The following COL12A1 variants were observed in gnomAD, a reference collection of about 807,000 sequenced individuals.
COL12A1 encodes collagen type XII alpha 1 chain, also known as collagen alpha-1(XII) chain.
In COL12A1, 114 loss-of-function variants were observed where a neutral mutation model predicts 349.7. The ratio of observed to expected loss-of-function variants is 0.33; its 90% CI spans 0.28 to 0.38. COL12A1 has a LOEUF of 0.38. COL12A1 is among the 10% of genes least tolerant of loss of function. The pLI, the probability that COL12A1 is intolerant of heterozygous loss-of-function variation, is 1.00. For synonymous variants in COL12A1, 1,369 were observed against 1,329.0 expected (o/e 1.03, Z -0.66); for missense variants, 3,284 against 3,756.9 (o/e 0.87, Z 3.29).
rs1767417001 is a variant in COL12A1 at position 75,085,133 on chromosome 6, T to A, written c.*1414A>T. 1 of 435,976 alleles carries A rather than the reference T, an allele frequency of 2.3e-6. No homozygotes were observed. Among genetic ancestry groups the A allele is most frequent in the African/African-American group, 2.0e-5 (1 of 49,540 alleles). The allele number at this position is 435,976 out of a possible 1,614,324, so 27.0% of individuals were successfully genotyped here. A position where few individuals can be genotyped will look rare whatever the true frequency, so the allele number is the denominator to read the frequency against. ...GACGTACACTGCTCTATCTGACCTG[T>A]AAATGAGAATTTCAACACCTCCCCC... On this transcript the variant is annotated 3_prime_UTR_variant, in exon 66 of 66. Transcript: ENST00000322507.
At chr6:75,134,977 C>T in intron 31 of COL12A1, 122 bp from the exon 32 acceptor site, 2 of 1,028,932 alleles carry the variant, frequency 1.9e-6, no homozygotes, top group Middle Eastern at 2.4e-4. Flanking sequence ...GAATTACATA[C>T]CACAGTCAAG....
chr6:75,091,346 T>A lies in COL12A1; in HGVS notation c.8729A>T (p.Gln2910Leu). Reference protein sequence around the residue: ...SQNMMRAVARQVCEQLISGQM... With the variant: ...SQNMMRAVARLVCEQLISGQM... ...ACCACTTATCAATTGTTCACAGACT[T>A]GTCTTGCAACTGCTCGCATCATGTT... The change falls in exon 62 of 66, where the codon CAA (glutamine) becomes CTA (leucine). Residue 2910 changes from glutamine (Q) to leucine (L), a missense_variant. Around this residue, in one of 2 missense-constraint regions of COL12A1, gnomAD observed 683 missense variants for 932.1 expected, o/e 0.73. Transcript: ENST00000322507. 1.2e-6 allele frequency: 2 copies of A among 1,613,694 alleles called. No individual in the cohort carries two copies. The highest frequency in any genetic ancestry group is 1.7e-6 in the Non-Finnish European group (2 of 1,179,924).
In COL12A1 at chr6:75,103,797, G is replaced by A. The variant is rs1273520142; in HGVS notation, c.8279C>T (p.Ala2760Val). Residue 2760 changes from alanine to valine, a missense_variant, in exon 55 of 66, where the codon GCT becomes GTT. Physicochemically the swap from Ala to Val is moderately conservative, Grantham distance 64. Coordinates refer to ENST00000322507, the MANE Select transcript of COL12A1 (RefSeq NM_004370.6). The stretch of plus-strand genomic sequence containing the variant: ...ACCTCTTTCACCTCTGGGACCTTTA[G>A]CACCAGGTCCTCCCTAAAATACATA... ...GPPGPAGGPG[A>V]KGPRGERGIS... 14 of 1,613,200 alleles carry A rather than the reference G, an allele frequency of 8.7e-6. No individual in the cohort carries two copies. The East Asian group carries it at 3.1e-4, about 36-fold the overall frequency.
intron 17 of COL12A1, among the ~76,000 whole-genome samples, chr6:75,153,686 C>A (rs1010405506): frequency 7.9e-5 from 12 of 151,984 alleles, no homozygotes; most frequent in African/African-American, 2.9e-4. Flanking sequence ...CTGCTCTGCC[C>A]AGATCTACTC....
At position 75,113,330 on chromosome 6, in the gene COL12A1, A is replaced by G. The variant is rs1172483928; in HGVS notation, c.7841-17T>C. ...TGCTAGAAGCTGTAATCAACATAAA[A>G]GTGTTATTAAATCATATGCATTGTA... On this transcript the variant is annotated splice_polypyrimidine_tract_variant and intron_variant, in intron 50 of 65. Coordinates refer to ENST00000322507, the MANE Select transcript of COL12A1 (RefSeq NM_004370.6). 1 of 1,466,806 alleles carries G rather than the reference A, an allele frequency of 6.8e-7. No individual in the cohort carries two copies. 90.9% of individuals were successfully genotyped at this position (1,466,806 alleles called of 1,614,324 possible).
At chr6:75,182,928 A>T in intron 10 of COL12A1, 122 bp downstream of exon 10, 1 of 1,210,942 alleles carries the variant, frequency 8.3e-7, no homozygotes, top group East Asian at 2.4e-5. Flanking sequence ...AGTTTTCAAT[A>T]ACATAGGAAA....
rs183041877 is a variant in COL12A1, at chr6:75,132,231, A to G, written c.5795-149T>C. 8.9e-4 allele frequency: 894 copies of G among 1,006,706 alleles called. 4 individuals are homozygous for G. The African/African-American group carries it at 0.013, about 15-fold the overall frequency. 62.4% of individuals were successfully genotyped at this position (1,006,706 alleles called of 1,614,324 possible). A position where few individuals can be genotyped will look rare whatever the true frequency, so the allele number is the denominator to read the frequency against. ...TACCTACACACAAAGGCAGATTAAA[A>G]CTCTCCAAACCCAAATTTAGTTAAA... On this transcript the variant is annotated intron_variant, in intron 34 of 65. Coordinates refer to ENST00000322507, the MANE Select transcript of COL12A1 (RefSeq NM_004370.6).
intron 53 of COL12A1, among the ~76,000 whole-genome samples, chr6:75,105,976 C>G (rs1007674633): frequency 7.9e-5 from 12 of 152,058 alleles, no homozygotes; most frequent in African/African-American, 2.9e-4. Flanking sequence ...AATCCATCAC[C>G]AACGTTCAAC....
chr6:75,194,960 G>C lies in COL12A1; in HGVS notation c.74-13C>G, dbSNP rs1311107631. 2.1e-6 allele frequency: 3 copies of C among 1,460,022 alleles called. No homozygotes were observed. In the South Asian group the frequency reaches 3.6e-5, roughly 18 times the overall value. 90.4% of individuals were successfully genotyped at this position (1,460,022 alleles called of 1,614,324 possible). A position where few individuals can be genotyped will look rare whatever the true frequency, so the allele number is the denominator to read the frequency against. On this transcript the variant is annotated splice_polypyrimidine_tract_variant and intron_variant, in intron 2 of 65. Transcript: ENST00000322507. ...GAAGGTGGGTCAACTGCAAAAGAGAGAGTTTATATTATTAAACTTTTCAAT... is the reference window on the plus strand; with the variant it reads ...GAAGGTGGGTCAACTGCAAAAGAGACAGTTTATATTATTAAACTTTTCAAT...
intron 59 of COL12A1, 67 bp downstream of exon 59, chr6:75,097,186 T>G: frequency 7.3e-7 from 1 of 1,363,930 alleles, no homozygotes; most frequent in Non-Finnish European, 1.0e-6. Flanking sequence ...CAAAGGCAGG[T>G]TACTAGCAAA....
chr6:75,156,607 C>G, intron 14 of COL12A1, 84 bp from the exon 15 acceptor site: 1 of 1,295,110 alleles, frequency 7.7e-7, no homozygotes, highest in East Asian at 2.4e-5. Context: ...AAAAGAAACT[C>G]TCTGTGGCTT....
intron 47 of COL12A1, among the ~76,000 whole-genome samples, chr6:75,116,521 G>A (rs910339930): frequency 3.9e-5 from 6 of 152,054 alleles, no homozygotes; most frequent in Admixed American, 3.3e-4. Context: ...ACCCCTCAGA[G>A]CTGAGGGTAC....
intron 14 of COL12A1, among the ~76,000 whole-genome samples, chr6:75,159,845 A>C (rs2149430027): frequency 6.6e-6 from 1 of 151,562 alleles, no homozygotes; most frequent in South Asian, 2.1e-4. Context: ...AAGAAACTTA[A>C]GTTTCAAAAA....
chr6:75,134,918 A>C, intron 31 of COL12A1, 63 bp from the exon 32 acceptor site: 2 of 1,537,398 alleles, frequency 1.3e-6, no homozygotes, highest in Non-Finnish European at 1.8e-6. Flanking sequence ...AATCTGTTAG[A>C]AAAAGCTCTT....
chr6:75,141,319 A>G (rs945513635), intron 27 of COL12A1, among the ~76,000 whole-genome samples: 5 of 152,216 alleles, frequency 3.3e-5, no homozygotes, highest in Non-Finnish European at 7.3e-5. Context: ...AGGAGAGAGC[A>G]AGGGGGAAGT....
chr6:75,189,172 C>T, intron 7 of COL12A1, 45 bp downstream of exon 7: 4 of 1,583,464 alleles, frequency 2.5e-6, no homozygotes, highest in Non-Finnish European at 3.5e-6. Flanking sequence ...ATTAAGTATA[C>T]TGTAGGAGTT....
chr6:75,168,845 T>A (rs896232346), intron 13 of COL12A1, among the ~76,000 whole-genome samples: 1 of 152,166 alleles, frequency 6.6e-6, no homozygotes, highest in Non-Finnish European at 1.5e-5. Flanking sequence ...TAAAGACAGG[T>A]ATGGTGAAGG....
At chr6:75,156,598 AAAG>A (rs1187927125) in intron 14 of COL12A1, 75 bp from the exon 15 acceptor site, 2 of 1,386,082 alleles carry the variant, frequency 1.4e-6, no homozygotes, top group African/African-American at 2.9e-5. Flanking sequence ...ATTTATGTGA[AAAG>A]AAACTCTCTG....
In COL12A1 at chr6:75,138,263, T is replaced by C. The variant is rs112785461; in HGVS notation, c.5251+57A>G. Reference sequence around the variant, plus strand: ...ATTATGTATCTTATGGTACTTTTCATTTATACATTCATTCATTATTTGTTC... The same window carrying C: ...ATTATGTATCTTATGGTACTTTTCACTTATACATTCATTCATTATTTGTTC... On this transcript the variant is annotated intron_variant, in intron 30 of 65. Coordinates refer to ENST00000322507, the MANE Select transcript of COL12A1 (RefSeq NM_004370.6). The C allele has an allele frequency of 2.3e-5, 34 of 1,504,208 alleles. No individual in the cohort carries two copies. The African/African-American group carries it at 3.5e-4, about 15-fold the overall frequency. The allele number at this position is 1,504,208 out of a possible 1,614,324, so 93.2% of individuals were successfully genotyped here.
Sources: allele counts gnomAD v4.1 joint callset (sites outside exome capture counted in the v4.1 genomes callset), GRCh38; gene constraint gnomAD v4.1.1; regional missense constraint gnomAD v4.1.1; transcripts MANE v1.5; gene names NCBI Gene and HGNC (gene_info 2026-07-23, HGNC 2026-07-21).